The following DAPP1 variants were observed in gnomAD, a reference collection of about 807,000 sequenced individuals.
DAPP1 encodes the protein dual adapter for phosphotyrosine and 3-phosphotyrosine and 3-phosphoinositide.
In DAPP1, 20 loss-of-function variants were observed where a neutral mutation model predicts 41.5. The observed-to-expected ratio is 0.48, with a 90% CI of 0.34 to 0.70. The LOEUF is 0.70. DAPP1 is among the 30% of genes least tolerant of loss of function. The pLI, the probability that DAPP1 is intolerant of heterozygous loss-of-function variation, is 0.01. For missense variants in DAPP1, 233 were observed against 333.4 expected (o/e 0.70, Z 2.35); for synonymous variants, 113 against 116.2 (o/e 0.97, Z 0.18).
At chr4:99,871,561 G>GT (rs1396647293), downstream of DAPP1, among the ~76,000 whole-genome samples, 3 of 152,172 alleles carry the variant, frequency 2.0e-5, no homozygotes, top group Non-Finnish European at 4.4e-5. Context: ...TCAAATTGTT[G>GT]TAAGTTTTTC....
chr4:99,861,483 A>G (rs1724234241), intron 4 of DAPP1, 95 bp from the exon 5 acceptor site: 1 of 1,311,344 alleles, frequency 7.6e-7, no homozygotes, highest in South Asian at 1.3e-5. Context: ...AAAGATCAAA[A>G]GCAAACATTC....
chr4:99,850,733 T>C (rs549692289), intron 3 of DAPP1, among the ~76,000 whole-genome samples: 4 of 152,316 alleles, frequency 2.6e-5, no homozygotes, highest in Admixed American at 2.6e-4. Flanking sequence ...CCTAGCAGAA[T>C]GTTGCGTCTA....
intron 1 of DAPP1, among the ~76,000 whole-genome samples, chr4:99,820,770 T>C (rs556437793): frequency 6.6e-6 from 1 of 152,310 alleles, no homozygotes; most frequent in East Asian, 1.9e-4. Context: ...GTGCAAAAAC[T>C]ACCAGAGAAC....
In DAPP1 at chr4:99,832,756, G is replaced by A. The variant is rs188804012; in HGVS notation, c.102-2867G>A. On this transcript the variant is annotated intron_variant, in intron 1 of 8. Transcript: ENST00000512369. Reference sequence around the variant, plus strand: ...AACTGTTATCAGGCTATAATTAGACGTCAAAAGAATTCTATAAATGTTTTA... The same window carrying A: ...AACTGTTATCAGGCTATAATTAGACATCAAAAGAATTCTATAAATGTTTTA... Among the ~76,000 whole-genome samples the A allele has an allele frequency of 8.1e-4, 123 of 152,284 alleles. 1 individual carries two copies. Among genetic ancestry groups the A allele is most frequent in the East Asian group, 3.5e-3 (18 of 5,196 alleles).
intron 7 of DAPP1, 143 bp downstream of exon 7, chr4:99,863,998 T>C (rs919905541): frequency 6.8e-6 from 4 of 590,848 alleles, no homozygotes; most frequent in Non-Finnish European, 1.2e-5. Flanking sequence ...TGTTTTCAGC[T>C]GAGTGTGACA....
chr4:99,826,786 A>C (rs1722951923), intron 1 of DAPP1, among the ~76,000 whole-genome samples: 1 of 152,178 alleles, frequency 6.6e-6, no homozygotes, highest in Non-Finnish European at 1.5e-5. Context: ...TGAATCCTAT[A>C]TTCATTCTTC....
At position 99,853,315 on chromosome 4, in the gene DAPP1, A is replaced by G; in HGVS notation, c.456A>G (p.Arg152=). Residue 152 remains arginine (R), a synonymous_variant, in exon 4 of 9, where the codon AGA becomes AGG. Transcript: ENST00000512369. ...TTCACACAGCAATGCAGACAGGAAG[A>G]ACAGAAGATGACCTTGTGCCCACAG... ...VRVHTAMQTG[R]TEDDLVPTAP... is the part of the protein sequence containing the mutation. 1 of 1,611,864 alleles carries G rather than the reference A, an allele frequency of 6.2e-7. No homozygotes were observed. Among genetic ancestry groups the G allele is most frequent in the Non-Finnish European group, 8.5e-7 (1 of 1,178,882 alleles).
intron 1 of DAPP1, 148 bp downstream of exon 1, chr4:99,817,162 T>C (rs1722615818): frequency 1.7e-6 from 1 of 577,636 alleles, no homozygotes; most frequent in Non-Finnish European, 3.0e-6. Context: ...TATTCATTTG[T>C]ATCTGTTAAG....
intron 2 of DAPP1, among the ~76,000 whole-genome samples, chr4:99,839,816 C>A (rs1723434839): frequency 6.6e-6 from 1 of 152,184 alleles, no homozygotes; most frequent in African/African-American, 2.4e-5. Context: ...AATCTCAACA[C>A]TTTGGGAAGC....
intron 3 of DAPP1, among the ~76,000 whole-genome samples, chr4:99,841,988 A>G (rs1291397644): frequency 1.3e-5 from 2 of 152,162 alleles, no homozygotes; most frequent in Admixed American, 1.3e-4. Context: ...GCCTTCTCCA[A>G]GTTAGGGAAA....
In DAPP1 at chr4:99,868,385, G is replaced by T. The variant is rs187784877; in HGVS notation, c.*200G>T. On this transcript the variant is annotated 3_prime_UTR_variant, in exon 9 of 9. Transcript: ENST00000512369. ...TTCCATGATGTTGCCATCTCCTTGA[G>T]AACACTGAAGCAATCACCATTCTGA... 13 of 589,128 alleles carry T rather than the reference G, an allele frequency of 2.2e-5. No individual in the cohort carries two copies. In the East Asian group the frequency reaches 3.7e-4, roughly 17 times the overall value. 36.5% of individuals were successfully genotyped at this position (589,128 alleles called of 1,614,324 possible).
chr4:99,820,479 C>T (rs1722735616), intron 1 of DAPP1, among the ~76,000 whole-genome samples: 1 of 152,190 alleles, frequency 6.6e-6, no homozygotes, highest in Non-Finnish European at 1.5e-5. Context: ...TCAGTTGTAA[C>T]TCCAAGTGAG....
At chr4:99,841,568 T>C (rs1723498225) in intron 3 of DAPP1, among the ~76,000 whole-genome samples, 1 of 152,108 alleles carries the variant, frequency 6.6e-6, no homozygotes. Flanking sequence ...CCAGTGGAGG[T>C]GTATTTATTT....
intron 1 of DAPP1, among the ~76,000 whole-genome samples, chr4:99,832,541 C>G (rs899438793): frequency 2.1e-4 from 32 of 152,178 alleles, no homozygotes; most frequent in African/African-American, 7.7e-4. Flanking sequence ...TGCCCAGGCC[C>G]TGGAGTCTGT....
chr4:99,824,110 A>G (rs563439945), intron 1 of DAPP1, among the ~76,000 whole-genome samples: 71 of 152,300 alleles, frequency 4.7e-4, no homozygotes, highest in African/African-American at 1.7e-3. Flanking sequence ...GATTCACCAG[A>G]TACTCTTGAA....
intron 2 of DAPP1, among the ~76,000 whole-genome samples, chr4:99,837,160 T>C (rs1341004372): frequency 6.6e-6 from 1 of 152,246 alleles, no homozygotes; most frequent in African/African-American, 2.4e-5. Context: ...ACAGGGCTCA[T>C]GTGATTAGTT....
At chr4:99,860,085 C>T (rs992374028) in intron 4 of DAPP1, among the ~76,000 whole-genome samples, 1 of 152,238 alleles carries the variant, frequency 6.6e-6, no homozygotes, top group Non-Finnish European at 1.5e-5. Flanking sequence ...GATGGTACCC[C>T]AATGGGGGCT....
At chr4:99,858,391 C>T (rs1285900127) in intron 4 of DAPP1, among the ~76,000 whole-genome samples, 3 of 152,182 alleles carry the variant, frequency 2.0e-5, no homozygotes, top group Admixed American at 2.0e-4. Flanking sequence ...ATGTTGGCTA[C>T]AAATACCACA....
downstream of DAPP1, among the ~76,000 whole-genome samples, chr4:99,871,326 C>T (rs6829912): frequency 0.27 from 41,615 of 152,064 alleles, 6,253 homozygotes; most frequent in African/African-American, 0.39. Context: ...GCTGAGCCTA[C>T]GGTCTGCTCT....
Sources: gnomAD v4.1 joint callset for allele counts (sites outside exome capture counted in the v4.1 genomes callset) on GRCh38, gnomAD v4.1.1 for gene constraint, MANE v1.5 for transcripts, NCBI Gene and HGNC (gene_info 2026-07-23, HGNC 2026-07-21) for gene names.